Variants in CDH12 observed in about 807,000 individuals in gnomAD.
CDH12 encodes cadherin-12.
A neutral mutation model predicts 74.1 loss-of-function variants in CDH12; 41 were observed. That is an observed-to-expected ratio of 0.55 (90% confidence interval 0.43 to 0.72). CDH12 has a LOEUF of 0.72. Ranked by LOEUF, CDH12 falls within the 30% of genes least tolerant of loss-of-function variation. CDH12 has a pLI of 0.00. For missense variants in CDH12, 945 were observed against 977.2 expected, an observed-to-expected ratio of 0.97 and a Z score of 0.44; for synonymous variants, 399 against 355.0, an observed-to-expected ratio of 1.12 and a Z score of -1.39.
intron 6 of CDH12, among the ~76,000 whole-genome samples, chr5:21,886,937 G>A (rs1429447109): frequency 6.6e-6 from 1 of 152,118 alleles, no homozygotes; most frequent in African/African-American, 2.4e-5. Flanking sequence ...GGGGCCGTGA[G>A]AGTCATGGAG....
intron 6 of CDH12, among the ~76,000 whole-genome samples, chr5:21,942,491 A>G (rs1755384015): frequency 6.6e-6 from 1 of 151,616 alleles, no homozygotes. Context: ...AACTAGTTAC[A>G]TAACATTATT....
intron 5 of CDH12, among the ~76,000 whole-genome samples, chr5:22,047,070 A>G (rs894070437): frequency 3.9e-5 from 6 of 152,174 alleles, no homozygotes; most frequent in Non-Finnish European, 7.4e-5. Context: ...CACAGTCTAC[A>G]GAACTTTCTG....
intron 1 of CDH12, among the ~76,000 whole-genome samples, chr5:22,843,124 G>T (rs2126526419): frequency 1.3e-5 from 2 of 152,042 alleles, no homozygotes; most frequent in South Asian, 2.1e-4. Flanking sequence ...AATATATCTT[G>T]GTGCTGCGTT....
At chr5:22,449,321 A>G (rs1561412563) in intron 2 of CDH12, among the ~76,000 whole-genome samples, 1 of 152,024 alleles carries the variant, frequency 6.6e-6, no homozygotes, top group Non-Finnish European at 1.5e-5. Flanking sequence ...CTTTACAGGA[A>G]GCACAACACA....
At chr5:22,587,796 A>G (rs1740481532) in intron 1 of CDH12, among the ~76,000 whole-genome samples, 2 of 151,940 alleles carry the variant, frequency 1.3e-5, no homozygotes, top group South Asian at 4.2e-4. Flanking sequence ...CTATGAATCA[A>G]CATTCAATAG....
At chr5:22,378,668 T>A (rs1741638091) in intron 3 of CDH12, among the ~76,000 whole-genome samples, 1 of 152,086 alleles carries the variant, frequency 6.6e-6, no homozygotes, top group Admixed American at 6.6e-5. Flanking sequence ...TTCTATTGAG[T>A]TGTGTCTCTT....
chr5:22,703,244 T>A (rs1742812929), intron 1 of CDH12, among the ~76,000 whole-genome samples: 1 of 152,170 alleles, frequency 6.6e-6, no homozygotes, highest in Non-Finnish European at 1.5e-5. Flanking sequence ...TTTTTGTGTG[T>A]CTTCAGATAT....
At chr5:22,766,800 T>C (rs1455434782) in intron 1 of CDH12, among the ~76,000 whole-genome samples, 1 of 152,108 alleles carries the variant, frequency 6.6e-6, no homozygotes, top group East Asian at 1.9e-4. Context: ...TTAGATATTA[T>C]ACATAATTTA....
chr5:22,280,130 A>G (rs905066069), intron 3 of CDH12, among the ~76,000 whole-genome samples: 4 of 152,144 alleles, frequency 2.6e-5, no homozygotes, highest in African/African-American at 9.7e-5. Flanking sequence ...ATGTCCAGTA[A>G]TGATGAGCAT....
chr5:22,847,109 T>C (rs576824098), intron 1 of CDH12, among the ~76,000 whole-genome samples: 2 of 152,310 alleles, frequency 1.3e-5, no homozygotes, highest in East Asian at 3.9e-4. Flanking sequence ...GATCTTCTTC[T>C]AGTAGGTGTT....
intron 6 of CDH12, among the ~76,000 whole-genome samples, chr5:21,932,705 C>A (rs1282286793): frequency 6.6e-6 from 1 of 151,894 alleles, no homozygotes; most frequent in Non-Finnish European, 1.5e-5. Flanking sequence ...TCGAGACCAT[C>A]CTGGCCAACA....
chr5:22,482,304 C>A (rs1357259387), intron 2 of CDH12, among the ~76,000 whole-genome samples: 1 of 152,080 alleles, frequency 6.6e-6, no homozygotes, highest in Non-Finnish European at 1.5e-5. Flanking sequence ...TCCCGCCACA[C>A]AATCAGGTCT....
At chr5:22,374,901 C>G (rs893123526) in intron 3 of CDH12, among the ~76,000 whole-genome samples, 32 of 151,774 alleles carry the variant, frequency 2.1e-4, no homozygotes, top group Admixed American at 4.6e-4. Context: ...TCTACAGATT[C>G]CATGCAATCT....
chr5:22,543,733 G>C (rs1738199039), intron 1 of CDH12, among the ~76,000 whole-genome samples: 1 of 152,132 alleles, frequency 6.6e-6, no homozygotes, highest in Admixed American at 6.6e-5. Flanking sequence ...TTTAAATGAA[G>C]ATGTTGAAGT....
chr5:22,603,694 C>T (rs1004537551), intron 1 of CDH12, among the ~76,000 whole-genome samples: 9 of 152,142 alleles, frequency 5.9e-5, no homozygotes, highest in African/African-American at 2.2e-4. Flanking sequence ...AATTTGATCT[C>T]AGAACGGACC....
rs533235770 is a variant in CDH12 at position 22,270,594 on chromosome 5, CA to C, written c.-332-57952del. ...TAGGCGGCAGGGTGAGACACCGTCT[CA>C]AAAAAAAAAATATATATATATATAT... On this transcript the variant is annotated intron_variant, in intron 3 of 14. Coordinates refer to ENST00000382254, the MANE Select transcript of CDH12 (RefSeq NM_004061.5). Among the ~76,000 whole-genome samples the C allele has an allele frequency of 8.9e-3, 1,143 of 127,736 alleles. 15 individuals are homozygous for C. Among genetic ancestry groups the C allele is most frequent in the East Asian group, 0.059 (266 of 4,484 alleles). The allele number at this position is 127,736 out of a possible 152,430, so 83.8% of individuals were successfully genotyped here. A position where few individuals can be genotyped will look rare whatever the true frequency, so the allele number is the denominator to read the frequency against.
intron 3 of CDH12, among the ~76,000 whole-genome samples, chr5:22,291,401 T>A (rs1402410601): frequency 6.6e-6 from 1 of 152,082 alleles, no homozygotes; most frequent in Non-Finnish European, 1.5e-5. Context: ...GCATCCAAAT[T>A]ACAAAGGAAG....
chr5:22,789,403 C>T (rs576541146), intron 1 of CDH12, among the ~76,000 whole-genome samples: 57 of 151,880 alleles, frequency 3.8e-4, no homozygotes, highest in African/African-American at 1.3e-3. Context: ...CCAAGGAAAA[C>T]AAGATTTGTA....
chr5:22,398,522 C>T (rs1447953983), intron 3 of CDH12, among the ~76,000 whole-genome samples: 1 of 151,908 alleles, frequency 6.6e-6, no homozygotes, highest in Non-Finnish European at 1.5e-5. Flanking sequence ...GGAAATCTTC[C>T]CTGGATTTCT....
Sources: gnomAD v4.1 joint callset for allele counts (sites outside exome capture counted in the v4.1 genomes callset) on GRCh38, gnomAD v4.1.1 for gene constraint, MANE v1.5 for transcripts, NCBI Gene and HGNC (gene_info 2026-07-23, HGNC 2026-07-21) for gene names.